The following ELF2 variants were observed in gnomAD, a reference collection of about 807,000 sequenced individuals.
ELF2 encodes the protein E74 like ETS transcription factor 2.
ELF2 carries 11 observed loss-of-function variants against 54.8 expected under a neutral mutation model. The ratio of observed to expected loss-of-function variants is 0.20; its 90% CI spans 0.13 to 0.33. The LOEUF (loss-of-function observed/expected upper bound fraction) is 0.33. ELF2 is among the 10% of genes least tolerant of loss of function. ELF2 has a pLI of 1.00. For synonymous variants in ELF2, 203 were observed against 245.1 expected (o/e 0.83, Z 1.61); for missense variants, 513 against 703.0 (o/e 0.73, Z 3.06).
intron 4 of ELF2, among the ~76,000 whole-genome samples, chr4:139,109,936 T>C (rs1298271773): frequency 3.9e-5 from 6 of 152,210 alleles, no homozygotes; most frequent in African/African-American, 1.4e-4. Context: ...CTCAGCATCA[T>C]GCAGTATACT....
chr4:139,126,824 C>T (rs1300293563), intron 3 of ELF2, among the ~76,000 whole-genome samples: 2 of 152,046 alleles, frequency 1.3e-5, no homozygotes, highest in African/African-American at 4.8e-5. Flanking sequence ...GAGAATGTAT[C>T]CCATCAATAA....
chr4:139,150,374 A>T (rs978367308), intron 1 of ELF2, among the ~76,000 whole-genome samples: 2 of 151,544 alleles, frequency 1.3e-5, no homozygotes, highest in Non-Finnish European at 2.9e-5. Context: ...TCTCAAAAAA[A>T]AAAAAAATTA....
At chr4:139,130,325 A>G (rs1339202182) in intron 3 of ELF2, among the ~76,000 whole-genome samples, 1 of 152,226 alleles carries the variant, frequency 6.6e-6, no homozygotes, top group Admixed American at 6.5e-5. Context: ...TAAGCAACCT[A>G]GTTTACAGTA....
intron 1 of ELF2, among the ~76,000 whole-genome samples, chr4:139,151,094 A>AAG (rs1179118074): frequency 1.4e-5 from 2 of 147,636 alleles, no homozygotes; most frequent in African/African-American, 2.5e-5. Flanking sequence ...GAAAGAAAGA[A>AAG]AAAGAGAGCT....
chr4:139,156,686 C>T (rs1051608398), intron 1 of ELF2, among the ~76,000 whole-genome samples: 6 of 151,972 alleles, frequency 3.9e-5, no homozygotes, highest in African/African-American at 1.5e-4. Flanking sequence ...ATCACCCAGG[C>T]TGGAGTGCAG....
chr4:139,174,207 A>T (rs2148922799), intron 1 of ELF2, among the ~76,000 whole-genome samples: 1 of 134,874 alleles, frequency 7.4e-6, no homozygotes, highest in South Asian at 2.2e-4. Flanking sequence ...ACTCCATCTT[A>T]AAAAAAAAAA....
intron 3 of ELF2, among the ~76,000 whole-genome samples, chr4:139,136,581 T>C (rs560911470): frequency 1.3e-5 from 2 of 152,196 alleles, no homozygotes; most frequent in South Asian, 4.1e-4. Flanking sequence ...AAACTCTCCA[T>C]TTTCCCACCT....
At chr4:139,103,354 C>G (rs1018609107) in intron 4 of ELF2, among the ~76,000 whole-genome samples, 3 of 152,160 alleles carry the variant, frequency 2.0e-5, no homozygotes, top group African/African-American at 7.2e-5. Flanking sequence ...CCAGAAAGAC[C>G]AAGGCAGGAT....
chr4:139,095,051 GT>G (rs1225952874), intron 4 of ELF2, among the ~76,000 whole-genome samples: 1 of 151,754 alleles, frequency 6.6e-6, no homozygotes, highest in Non-Finnish European at 1.5e-5. Context: ...TAACAATTTT[GT>G]TTCTTCTCTT....
At chr4:139,143,702 C>T (rs1255483641) in intron 1 of ELF2, among the ~76,000 whole-genome samples, 1 of 152,162 alleles carries the variant, frequency 6.6e-6, no homozygotes, top group Non-Finnish European at 1.5e-5. Flanking sequence ...GGAGCTCGAG[C>T]TCGGGAGGCG....
chr4:139,074,536 C>T (rs1312539693), intron 4 of ELF2, among the ~76,000 whole-genome samples: 2 of 151,640 alleles, frequency 1.3e-5, no homozygotes, highest in African/African-American at 4.8e-5. Context: ...CCAAGGCGTG[C>T]GGATCACGAG....
chr4:139,133,775 T>C (rs1371161158), intron 3 of ELF2, among the ~76,000 whole-genome samples: 1 of 152,200 alleles, frequency 6.6e-6, no homozygotes, highest in Non-Finnish European at 1.5e-5. Context: ...ACCTGCTTTT[T>C]GATGCTCTAT....
At chr4:139,066,009 C>CTTTTTTT (rs372715360) in intron 7 of ELF2, 8 of 105,678 alleles carry the variant, frequency 7.6e-5, no homozygotes, top group African/African-American at 1.5e-4. Flanking sequence ...TCAATGTCAC[C>CTTTTTTT]TTTTTTTTTT....
intron 1 of ELF2, among the ~76,000 whole-genome samples, chr4:139,156,621 T>TTTGTTGTTG (rs548285880): frequency 1.4e-5 from 2 of 137,954 alleles, no homozygotes; most frequent in East Asian, 2.0e-4. Context: ...TATTTGTTGT[T>TTTGTTGTTG]TTGTTGTTGT....
At chr4:139,093,052 G>A (rs1262975410) in intron 4 of ELF2, among the ~76,000 whole-genome samples, 4 of 148,064 alleles carry the variant, frequency 2.7e-5, no homozygotes, top group East Asian at 4.1e-4. Flanking sequence ...TGCAAGCTCC[G>A]CCTCCCGGGT....
chr4:139,067,728 C>A lies in ELF2; in HGVS notation c.569G>T (p.Gly190Val). The A allele has an allele frequency of 1.2e-6, 2 of 1,607,224 alleles. No individual in the cohort carries two copies. The highest frequency in any genetic ancestry group is 1.7e-6 in the Non-Finnish European group (2 of 1,175,172). Reference sequence around the variant, plus strand: ...CTTCTTTATACCTAACTCAGGAGACCCATTGGAAATTGGTGATTGCTGGGT... The same window carrying A: ...CTTCTTTATACCTAACTCAGGAGACACATTGGAAATTGGTGATTGCTGGGT... ...PKTQQSPISN[G>V]SPELGIKKKP... Residue 190 changes from glycine to valine, a missense_variant, in exon 7 of 10, where the codon GGG becomes GTG. Coordinates refer to ENST00000686138, the MANE Select transcript of ELF2 (RefSeq NM_001331036.3).
intron 1 of ELF2, among the ~76,000 whole-genome samples, chr4:139,141,272 A>G (rs1738672123): frequency 1.3e-5 from 2 of 152,150 alleles, no homozygotes; most frequent in African/African-American, 4.8e-5. Context: ...TCTATTTTTG[A>G]GTTCTCAGGT....
At chr4:139,140,160 T>C (rs575266190) in intron 1 of ELF2, among the ~76,000 whole-genome samples, 1 of 152,274 alleles carries the variant, frequency 6.6e-6, no homozygotes, top group South Asian at 2.1e-4. Flanking sequence ...CAGTCTGATC[T>C]GGAACTCCTG....
At chr4:139,115,063 T>TC in intron 4 of ELF2, 1 of 1,613,880 alleles carries the variant, frequency 6.2e-7, no homozygotes, top group South Asian at 1.1e-5. Flanking sequence ...ATCGTCACTC[T>TC]CCATGTCCAG....
Sources: gnomAD v4.1 joint callset for allele counts (sites outside exome capture counted in the v4.1 genomes callset) on GRCh38, gnomAD v4.1.1 for gene constraint, MANE v1.5 for transcripts, NCBI Gene and HGNC (gene_info 2026-07-23, HGNC 2026-07-21) for gene names.